CDK19: variants seen among roughly 807,000 people sequenced by gnomAD.
CDK19 encodes the protein cyclin-dependent kinase 19.
A neutral mutation model predicts 68.3 loss-of-function variants in CDK19; 20 were observed. The observed-to-expected ratio is 0.29, with a 90% CI of 0.21 to 0.43. CDK19 has a LOEUF of 0.43. Ranked by LOEUF, CDK19 falls within the 20% of genes least tolerant of loss-of-function variation. The pLI is 1.00. For synonymous variants in CDK19, 221 were observed against 222.8 expected, an observed-to-expected ratio of 0.99 and a Z score of 0.07; for missense variants, 339 against 623.5, an observed-to-expected ratio of 0.54 and a Z score of 4.86.
At chr6:110,775,683 C>T (rs1357742171) in intron 1 of CDK19, among the ~76,000 whole-genome samples, 3 of 152,018 alleles carry the variant, frequency 2.0e-5, no homozygotes, top group Non-Finnish European at 4.4e-5. Flanking sequence ...TAAAAGACTA[C>T]AAAACATAGC....
At chr6:110,805,854 G>C (rs1782642466) in intron 1 of CDK19, among the ~76,000 whole-genome samples, 1 of 151,758 alleles carries the variant, frequency 6.6e-6, no homozygotes, top group East Asian at 1.9e-4. Flanking sequence ...GTAAAACTCA[G>C]AGACATGCCT....
At chr6:110,807,030 T>A (rs1782725568) in intron 1 of CDK19, among the ~76,000 whole-genome samples, 1 of 151,762 alleles carries the variant, frequency 6.6e-6, no homozygotes, top group African/African-American at 2.4e-5. Context: ...CCAAGCATGA[T>A]GGCTTATGCC....
At chr6:110,634,520 T>C (rs997908610) in intron 5 of CDK19, among the ~76,000 whole-genome samples, 1 of 152,166 alleles carries the variant, frequency 6.6e-6, no homozygotes, top group Admixed American at 6.5e-5. Context: ...GCCCGGCCTG[T>C]AGTGATTTTG....
chr6:110,709,246 T>C (rs956093231), intron 2 of CDK19, among the ~76,000 whole-genome samples: 1 of 152,138 alleles, frequency 6.6e-6, no homozygotes. Context: ...AAGCATTCCC[T>C]TTGAAAACCG....
chr6:110,723,607 T>C (rs1296460281), intron 2 of CDK19, among the ~76,000 whole-genome samples: 1 of 152,130 alleles, frequency 6.6e-6, no homozygotes, highest in African/African-American at 2.4e-5. Flanking sequence ...GCAATAAAAT[T>C]ACATACGGAT....
At chr6:110,810,567 G>C (rs1376369971) in intron 1 of CDK19, among the ~76,000 whole-genome samples, 1 of 152,122 alleles carries the variant, frequency 6.6e-6, no homozygotes, top group African/African-American at 2.4e-5. Flanking sequence ...CTGAGGTTGG[G>C]AGTTCGAGAC....
At chr6:110,676,098 C>G (rs1771508966) in intron 2 of CDK19, among the ~76,000 whole-genome samples, 2 of 152,118 alleles carry the variant, frequency 1.3e-5, no homozygotes, top group South Asian at 4.1e-4. Flanking sequence ...AAGGCATCAA[C>G]ATTAACAGGA....
chr6:110,657,819 T>C (rs1437786613), intron 4 of CDK19, among the ~76,000 whole-genome samples: 1 of 152,208 alleles, frequency 6.6e-6, no homozygotes, highest in African/African-American at 2.4e-5. Flanking sequence ...AGAGTTTGTA[T>C]GTCACTGTGA....
At chr6:110,646,528 C>A in intron 4 of CDK19, 1 of 1,271,302 alleles carries the variant, frequency 7.9e-7, no homozygotes. Context: ...ACGTGCGCCT[C>A]CACCTGCAAC....
intron 1 of CDK19, among the ~76,000 whole-genome samples, chr6:110,747,295 T>C (rs1778146045): frequency 6.6e-6 from 1 of 152,210 alleles, no homozygotes; most frequent in East Asian, 1.9e-4. Context: ...TTCACAATCA[T>C]CTTCAAGCAA....
At chr6:110,637,677 CT>C (rs1269427847) in intron 5 of CDK19, among the ~76,000 whole-genome samples, 3 of 152,174 alleles carry the variant, frequency 2.0e-5, no homozygotes, top group African/African-American at 4.8e-5. Context: ...AATATAATTT[CT>C]AGTAAAAGAA....
Position 110,613,551 on chromosome 6 carries a change from A to G in CDK19, c.*984T>C, listed in dbSNP as rs1778134003. The G allele has an allele frequency of 6.6e-6, 1 of 152,642 alleles. No individual in the cohort carries two copies. 9.5% of individuals were successfully genotyped at this position (152,642 alleles called of 1,614,324 possible). A position where few individuals can be genotyped will look rare whatever the true frequency, so the allele number is the denominator to read the frequency against. ...GCAAGAAAGTTACTCACGCAGACCC[A>G]GATGTGAAGAAACCAATGGTTCTTT... is the stretch of plus-strand genomic sequence containing the variant. On this transcript the variant is annotated 3_prime_UTR_variant, in exon 13 of 13. Transcript: ENST00000368911.
chr6:110,730,841 C>G (rs985069384), intron 2 of CDK19, among the ~76,000 whole-genome samples: 2 of 152,254 alleles, frequency 1.3e-5, no homozygotes, highest in Admixed American at 1.3e-4. Flanking sequence ...TACCTGAGGT[C>G]ATGAGTTCGA....
intron 1 of CDK19, among the ~76,000 whole-genome samples, chr6:110,760,602 G>A (rs1779167677): frequency 6.6e-6 from 1 of 151,836 alleles, no homozygotes; most frequent in Non-Finnish European, 1.5e-5. Context: ...GGTGGCACAT[G>A]CCTGTAGTCC....
At chr6:110,727,459 C>A (rs1205441763) in intron 2 of CDK19, among the ~76,000 whole-genome samples, 1 of 152,012 alleles carries the variant, frequency 6.6e-6, no homozygotes, top group Non-Finnish European at 1.5e-5. Flanking sequence ...TAATTATATT[C>A]AAAAATGTGT....
At chr6:110,811,274 C>G (rs1371432725) in intron 1 of CDK19, among the ~76,000 whole-genome samples, 3 of 152,152 alleles carry the variant, frequency 2.0e-5, no homozygotes, top group African/African-American at 7.2e-5. Flanking sequence ...ACTATTGTAC[C>G]TATTAGCTAT....
At chr6:110,723,062 C>T (rs1776032156) in intron 2 of CDK19, among the ~76,000 whole-genome samples, 1 of 150,914 alleles carries the variant, frequency 6.6e-6, no homozygotes. Context: ...TAATTCCCCT[C>T]CTCTGTCTGA....
intron 1 of CDK19, among the ~76,000 whole-genome samples, chr6:110,807,850 C>T (rs1782789943): frequency 6.6e-6 from 1 of 151,164 alleles, no homozygotes; most frequent in Non-Finnish European, 1.5e-5. Context: ...TTCTGCTGCC[C>T]ATGCTGAAGT....
chr6:110,787,483 G>A (rs1372077722), intron 1 of CDK19, among the ~76,000 whole-genome samples: 3 of 152,142 alleles, frequency 2.0e-5, no homozygotes, highest in Admixed American at 2.0e-4. Context: ...GTCTCACTCT[G>A]TCACCCAGGC....
Sources: gnomAD v4.1 joint callset for allele counts (sites outside exome capture counted in the v4.1 genomes callset) on GRCh38, gnomAD v4.1.1 for gene constraint, MANE v1.5 for transcripts, NCBI Gene and HGNC (gene_info 2026-07-23, HGNC 2026-07-21) for gene names.